Variants in SEMA5A observed in about 807,000 individuals in gnomAD.
The protein encoded by SEMA5A is semaphorin-5A.
In SEMA5A, 55 loss-of-function variants were observed where a neutral mutation model predicts 135.5. That is an observed-to-expected ratio of 0.41 (90% CI 0.33 to 0.51). The LOEUF is 0.51. SEMA5A is among the 20% of genes least tolerant of loss of function. The pLI, the probability that SEMA5A is intolerant of heterozygous loss-of-function variation, is 0.37. For missense variants in SEMA5A, 1,290 were observed against 1,419.9 expected (o/e 0.91, Z 1.47); for synonymous variants, 580 against 546.5 (o/e 1.06, Z -0.85).
At chr5:9,381,942 T>TTGTGTGTGTGTGTGTGTGTGTG (rs148157627) in intron 2 of SEMA5A, among the ~76,000 whole-genome samples, 7 of 109,374 alleles carry the variant, frequency 6.4e-5, no homozygotes, top group Non-Finnish European at 1.8e-5. Context: ...TAGAATCATT[T>TTGTGTGTGTGTGTGTGTGTGTG]TGTGTGTGTG....
intron 5 of SEMA5A, among the ~76,000 whole-genome samples, chr5:9,245,565 C>T (rs966142661): frequency 6.6e-6 from 1 of 152,002 alleles, no homozygotes; most frequent in Non-Finnish European, 1.5e-5. Flanking sequence ...ATAAATAAGA[C>T]CACTTTGAAT....
At chr5:9,326,767 C>T (rs1752898968) in intron 4 of SEMA5A, among the ~76,000 whole-genome samples, 1 of 151,966 alleles carries the variant, frequency 6.6e-6, no homozygotes, top group Non-Finnish European at 1.5e-5. Context: ...GGCTACAGAG[C>T]GAGTCTCAAT....
chr5:9,133,705 C>A (rs779671395), intron 13 of SEMA5A, among the ~76,000 whole-genome samples: 5 of 152,134 alleles, frequency 3.3e-5, no homozygotes, highest in Non-Finnish European at 7.4e-5. Context: ...GACCTCAGGT[C>A]CTCTCAGTAG....
At chr5:9,520,321 A>G (rs1736754617) in intron 1 of SEMA5A, among the ~76,000 whole-genome samples, 1 of 152,232 alleles carries the variant, frequency 6.6e-6, no homozygotes, top group Non-Finnish European at 1.5e-5. Context: ...TAAACCACCA[A>G]ATACATGAGT....
intron 2 of SEMA5A, among the ~76,000 whole-genome samples, chr5:9,394,552 T>C (rs1699799642): frequency 6.6e-6 from 1 of 152,028 alleles, no homozygotes; most frequent in South Asian, 2.1e-4. Context: ...CTAATATTTA[T>C]GGAATGAACA....
chr5:9,461,886 CT>C (rs1262238614), intron 1 of SEMA5A, among the ~76,000 whole-genome samples: 1 of 152,142 alleles, frequency 6.6e-6, no homozygotes, highest in Non-Finnish European at 1.5e-5. Flanking sequence ...ATTCTGTTAC[CT>C]AGGAGGGGAC....
At chr5:9,236,806 C>T (rs1157090807) in intron 6 of SEMA5A, among the ~76,000 whole-genome samples, 2 of 152,144 alleles carry the variant, frequency 1.3e-5, no homozygotes, top group South Asian at 4.1e-4. Context: ...TCTTCCTACT[C>T]CTTTATTCAG....
intron 19 of SEMA5A, 145 bp from the exon 20 acceptor site, chr5:9,052,173 G>A: frequency 4.5e-6 from 4 of 895,666 alleles, no homozygotes; most frequent in Non-Finnish European, 6.5e-6. Context: ...GTAAGATGTA[G>A]TTGTATCATC....
chr5:9,073,005 G>A (rs1018396205), intron 16 of SEMA5A, among the ~76,000 whole-genome samples: 17 of 152,260 alleles, frequency 1.1e-4, no homozygotes, highest in Admixed American at 2.0e-4. Flanking sequence ...GAAGAGATAA[G>A]GAAGAAACAA....
intron 18 of SEMA5A, among the ~76,000 whole-genome samples, chr5:9,061,495 T>C (rs1277864164): frequency 6.6e-6 from 1 of 151,998 alleles, no homozygotes; most frequent in Non-Finnish European, 1.5e-5. Context: ...GCCCTCAGGA[T>C]GGCCATGACG....
intron 2 of SEMA5A, among the ~76,000 whole-genome samples, chr5:9,394,015 T>C (rs1436000104): frequency 2.0e-5 from 3 of 152,048 alleles, no homozygotes; most frequent in African/African-American, 4.8e-5. Flanking sequence ...AGTAAATCAA[T>C]ATTTACCGCC....
chr5:9,111,865 G>T (rs1740259784), intron 15 of SEMA5A, among the ~76,000 whole-genome samples: 1 of 152,178 alleles, frequency 6.6e-6, no homozygotes, highest in African/African-American at 2.4e-5. Flanking sequence ...ACTAACTCAT[G>T]CCCCTGAGAG....
At chr5:9,062,025 C>T (rs1007862853) in intron 18 of SEMA5A, among the ~76,000 whole-genome samples, 1 of 152,114 alleles carries the variant, frequency 6.6e-6, no homozygotes, top group Non-Finnish European at 1.5e-5. Context: ...AGCTGATGGT[C>T]ACTCCAAAGG....
intron 1 of SEMA5A, among the ~76,000 whole-genome samples, chr5:9,491,448 C>T (rs1301583200): frequency 6.6e-6 from 1 of 151,890 alleles, no homozygotes; most frequent in Non-Finnish European, 1.5e-5. Context: ...CCCCCACCAG[C>T]CACACAACCC....
intron 18 of SEMA5A, among the ~76,000 whole-genome samples, chr5:9,061,132 A>G (rs1232714269): frequency 1.3e-5 from 2 of 151,434 alleles, no homozygotes; most frequent in Non-Finnish European, 2.9e-5. Context: ...GTTGTCATAA[A>G]CTCAGTAGCC....
At chr5:9,119,286 A>C in intron 14 of SEMA5A, 145 bp from the exon 15 acceptor site, 1 of 930,560 alleles carries the variant, frequency 1.1e-6, no homozygotes, top group Non-Finnish European at 1.6e-6. Context: ...AGGGGACTGA[A>C]TGGACTGCAC....
intron 5 of SEMA5A, among the ~76,000 whole-genome samples, chr5:9,296,541 T>G (rs1431925987): frequency 6.6e-6 from 1 of 152,192 alleles, no homozygotes; most frequent in African/African-American, 2.4e-5. Flanking sequence ...ATGCATTGCT[T>G]AACAATTAAT....
intron 1 of SEMA5A, among the ~76,000 whole-genome samples, chr5:9,542,119 C>T (rs1351533908): frequency 6.6e-6 from 1 of 152,130 alleles, no homozygotes; most frequent in Non-Finnish European, 1.5e-5. Flanking sequence ...ATAACCAATT[C>T]TTAAAAAATT....
chr5:9,071,910 C>T (rs1417101310), intron 16 of SEMA5A, among the ~76,000 whole-genome samples: 1 of 152,110 alleles, frequency 6.6e-6, no homozygotes, highest in Non-Finnish European at 1.5e-5. Flanking sequence ...TTGCAAAGAG[C>T]CAAAACACTC....
Sources: gnomAD v4.1 joint callset for allele counts (sites outside exome capture counted in the v4.1 genomes callset) on GRCh38, gnomAD v4.1.1 for gene constraint, MANE v1.5 for transcripts, NCBI Gene and HGNC (gene_info 2026-07-23, HGNC 2026-07-21) for gene names.